ZNF454: variants seen among roughly 807,000 people sequenced by gnomAD.
The protein encoded by ZNF454 is zinc finger protein 454.
ZNF454 carries 30 observed loss-of-function variants against 48.2 expected under a neutral mutation model. That is an observed-to-expected ratio of 0.62 (90% CI 0.47 to 0.84). ZNF454 has a LOEUF of 0.84. Ranked by LOEUF, ZNF454 falls within the 40% of genes least tolerant of loss-of-function variation. The pLI is 0.00. For missense variants in ZNF454, 510 were observed against 623.1 expected (o/e 0.82, Z 1.93); for synonymous variants, 204 against 211.4 (o/e 0.97, Z 0.30).
At chr5:178,986,688 G>A in the ZNF454 span, 2,291 of 1,603,996 alleles carry the variant, frequency 1.4e-3, 26 homozygotes, top group African/African-American at 0.024. Context: ...CCCCCGGCCC[G>A]CAGGGCAGGC....
chr5:178,956,672 TTAA>T (rs1387217120), intron 4 of ZNF454, among the ~76,000 whole-genome samples: 2 of 14,054 alleles, frequency 1.4e-4, no homozygotes, highest in South Asian at 2.1e-3. Flanking sequence ...TTTATTTTAT[TTAA>T]TTTATTTATT....
At chr5:178,985,935 T>C in the ZNF454 span, among the ~76,000 whole-genome samples, 2 of 152,262 alleles carry the variant, frequency 1.3e-5, no homozygotes, top group East Asian at 3.9e-4. Context: ...CTAATTTTCA[T>C]ATTTTTTGCA....
At chr5:178,979,094 A>T in the ZNF454 span, 1 of 152,318 alleles carries the variant, frequency 6.6e-6, no homozygotes, top group African/African-American at 2.4e-5. Flanking sequence ...TCTACAAAAA[A>T]TAAAACATTA....
chr5:178,967,473 A>T (rs1760180110), downstream of ZNF454, among the ~76,000 whole-genome samples: 1 of 152,142 alleles, frequency 6.6e-6, no homozygotes, highest in African/African-American at 2.4e-5. Context: ...TAGTAATTCT[A>T]TATTCATAGG....
the ZNF454 span, chr5:178,985,907 A>G: frequency 1.9e-5 from 11 of 582,024 alleles, no homozygotes; most frequent in South Asian, 7.9e-5. Context: ...GACTACAGGC[A>G]CGCACCACCA....
intron 4 of ZNF454, among the ~76,000 whole-genome samples, chr5:178,952,328 C>A (rs560346309): frequency 6.6e-6 from 1 of 152,174 alleles, no homozygotes; most frequent in South Asian, 2.1e-4. Context: ...TGAGCCACCG[C>A]GCCGAGGTTG....
rs767599158 is a variant in ZNF454, at chr5:178,965,499, C to T, written c.1095C>T (p.Phe365=). The change falls in exon 5 of 5, where the codon TTC becomes TTT. Residue 365 remains phenylalanine, a synonymous_variant. Transcript: ENST00000519564. The surrounding 1 kb of genome is among the most constrained non-coding windows in gnomAD (Gnocchi z 5.2). ...PFECNECGKA[F]RVNSSLTEHQ... ...AATGTAATGAATGTGGGAAGGCCTT[C>T]AGGGTGAACTCTTCCCTTACTGAAC... 6.2e-7 allele frequency: 1 copy of T among 1,613,824 alleles called. No individual in the cohort carries two copies. Among genetic ancestry groups the T allele is most frequent in the South Asian group, 1.1e-5 (1 of 91,056 alleles).
At chr5:178,984,131 A>G in the ZNF454 span, among the ~76,000 whole-genome samples, 1 of 152,126 alleles carries the variant, frequency 6.6e-6, no homozygotes, top group Non-Finnish European at 1.5e-5. Context: ...ATCGAGACCA[A>G]CTTCCAAAAT....
At chr5:178,972,447 A>G in the ZNF454 span, among the ~76,000 whole-genome samples, 1 of 151,116 alleles carries the variant, frequency 6.6e-6, no homozygotes, top group Non-Finnish European at 1.5e-5. Flanking sequence ...CACTGTCCCT[A>G]CTGCACCTAA....
intron 4 of ZNF454, among the ~76,000 whole-genome samples, chr5:178,951,478 C>T (rs1759554939): frequency 6.6e-6 from 1 of 152,110 alleles, no homozygotes; most frequent in Non-Finnish European, 1.5e-5. Flanking sequence ...TGTGGGTTTG[C>T]CACAGACGTC....
At chr5:178,985,840 C>CA in the ZNF454 span, 8 of 540,010 alleles carry the variant, frequency 1.5e-5, no homozygotes, top group African/African-American at 9.5e-5. Flanking sequence ...TGGCTCACAG[C>CA]AACCTTCAAC....
At chr5:178,958,532 G>A (rs761377347) in intron 4 of ZNF454, among the ~76,000 whole-genome samples, 5 of 152,246 alleles carry the variant, frequency 3.3e-5, no homozygotes, top group African/African-American at 4.8e-5. Context: ...GAGCTATTAC[G>A]AATAGTACCA....
At chr5:178,975,066 G>A in the ZNF454 span, among the ~76,000 whole-genome samples, 1 of 152,182 alleles carries the variant, frequency 6.6e-6, no homozygotes, top group Non-Finnish European at 1.5e-5. Context: ...CCAGCACTTT[G>A]GGAGGCCATG....
the ZNF454 span, among the ~76,000 whole-genome samples, chr5:178,974,608 G>GT: frequency 6.6e-6 from 1 of 152,174 alleles, no homozygotes; most frequent in Non-Finnish European, 1.5e-5. Context: ...GTGAGCCACC[G>GT]CGCCCGGCCT....
chr5:178,962,872 T>C lies in ZNF454; in HGVS notation c.251-1783T>C, dbSNP rs1760043553. On this transcript the variant is annotated intron_variant, in intron 4 of 4. Coordinates refer to ENST00000519564, the MANE Select transcript of ZNF454 (RefSeq NM_001178089.3). ...AAACCATCTTAGTCCAGCCAAGGCCTGTAATAGCTGGAGGTTGGTCACAAT... is the reference window on the plus strand; with the variant it reads ...AAACCATCTTAGTCCAGCCAAGGCCCGTAATAGCTGGAGGTTGGTCACAAT... Among the ~76,000 whole-genome samples, 2 of 151,778 alleles carry C rather than the reference T, an allele frequency of 1.3e-5. 1 individual carries two copies.
At chr5:178,951,946 G>A (rs1759570996) in intron 4 of ZNF454, among the ~76,000 whole-genome samples, 1 of 151,808 alleles carries the variant, frequency 6.6e-6, no homozygotes, top group South Asian at 2.1e-4. Flanking sequence ...AACTATCAGA[G>A]TTTCTAAAAA....
chr5:178,965,377 G>A lies in ZNF454; in HGVS notation c.973G>A (p.Glu325Lys), dbSNP rs1760114473. The A allele has an allele frequency of 6.2e-7, 1 of 1,614,190 alleles. No homozygotes were observed. Among genetic ancestry groups the A allele is most frequent in the Non-Finnish European group, 8.5e-7 (1 of 1,180,034 alleles). Residue 325 changes from glutamate to lysine, a missense_variant, in exon 5 of 5, where the codon GAG becomes AAG. Physicochemically the swap from Glu to Lys is moderately conservative, Grantham distance 56. This residue lies in a region of ZNF454 where 354 missense variants were observed against 408.9 expected (regional missense o/e 0.87). Transcript: ENST00000519564. This position sits in a 1 kb window ranked among gnomAD's most constrained non-coding sequence, Gnocchi z 5.2. ...LTKHQNIHSG[E>K]KPYKCNECGK... ...CAAACACCAGAATATCCACAGTGGA[G>A]AGAAACCCTATAAATGCAATGAATG...
chr5:178,976,123 C>T, the ZNF454 span: 1 of 455,786 alleles, frequency 2.2e-6, no homozygotes, highest in Admixed American at 2.4e-5. Context: ...TGCAGGACCC[C>T]ATCCCCCAGA....
At chr5:178,942,172 G>A (rs1038964437) in intron 1 of ZNF454, among the ~76,000 whole-genome samples, 4 of 152,208 alleles carry the variant, frequency 2.6e-5, no homozygotes, top group African/African-American at 9.6e-5. Context: ...GGGAGGCCGA[G>A]GCGAGCCGAT....
Sources: allele counts gnomAD v4.1 joint callset (sites outside exome capture counted in the v4.1 genomes callset), GRCh38; gene constraint gnomAD v4.1.1; regional missense constraint gnomAD v4.1.1; non-coding constraint Gnocchi (gnomAD v3.1); transcripts MANE v1.5; gene names NCBI Gene and HGNC (gene_info 2026-07-23, HGNC 2026-07-21).